SRRM4: variants seen among roughly 807,000 people sequenced by gnomAD.
The protein encoded by SRRM4 is serine/arginine repetitive matrix 4, also known as serine/arginine repetitive matrix protein 4.
In SRRM4, 33 loss-of-function variants were observed where a neutral mutation model predicts 68.9. The ratio of observed to expected loss-of-function variants is 0.48; its 90% confidence interval spans 0.36 to 0.64. The LOEUF is 0.64. SRRM4 is among the 30% of genes least tolerant of loss of function. The probability of loss-of-function intolerance (pLI) is 0.00; values close to 1 mark genes in which losing one functional copy is unlikely to be tolerated. For missense variants in SRRM4, 817 were observed against 827.1 expected, an observed-to-expected ratio of 0.99 and a Z score of 0.15; for synonymous variants, 318 against 318.8, an observed-to-expected ratio of 1.00 and a Z score of 0.03.
chr12:119,005,254 C>T (rs1953409274), intron 1 of SRRM4, among the ~76,000 whole-genome samples: 1 of 152,186 alleles, frequency 6.6e-6, no homozygotes, highest in Non-Finnish European at 1.5e-5. Context: ...GGAAGGGGCC[C>T]CATTTTATAG....
rs1404021834 is a variant in SRRM4 at position 119,159,888 on chromosome 12, A to C, written c.*3090A>C. The C allele has an allele frequency of 6.6e-6, 1 of 152,028 alleles. No individual in the cohort carries two copies. The highest frequency in any genetic ancestry group is 1.5e-5 in the Non-Finnish European group (1 of 67,994). The allele number at this position is 152,028 out of a possible 1,614,324, so 9.4% of individuals were successfully genotyped here. A position where few individuals can be genotyped will look rare whatever the true frequency, so the allele number is the denominator to read the frequency against. On this transcript the variant is annotated 3_prime_UTR_variant, in exon 13 of 13. Transcript: ENST00000267260. The stretch of plus-strand genomic sequence containing the variant: ...AAGCTATTTCTGAAATTAGGAAAAA[A>C]AAAAAAAAGGTGGAAGGAGCAGCCA...
chr12:119,073,091 A>AG (rs891847442), intron 1 of SRRM4, among the ~76,000 whole-genome samples: 1 of 15,932 alleles, frequency 6.3e-5, no homozygotes, highest in African/African-American at 3.0e-4. Context: ...ACACATGAAA[A>AG]GGAAAAAAAA....
chr12:119,028,789 T>A (rs1276046889), intron 1 of SRRM4, among the ~76,000 whole-genome samples: 1 of 152,182 alleles, frequency 6.6e-6, no homozygotes, highest in African/African-American at 2.4e-5. Flanking sequence ...GGGCTGCACA[T>A]GCAGGAGAGA....
rs557791933 is a variant in SRRM4 at position 119,096,084 on chromosome 12, G to A, written c.132-6152G>A. 1.7e-4 allele frequency among the ~76,000 whole-genome samples: 25 copies of A among 151,098 alleles called. No homozygotes were observed. In the South Asian group the frequency reaches 4.5e-3, roughly 27 times the overall value. The stretch of plus-strand genomic sequence containing the variant: ...GGCGCAGGCTGGAGTGCAGTGGCGC[G>A]ATCTCAGCTCACTGCAAGCTCTGCC... On this transcript the variant is annotated intron_variant, in intron 1 of 12. Coordinates refer to ENST00000267260, the MANE Select transcript of SRRM4 (RefSeq NM_194286.4).
chr12:118,990,078 A>G (rs939337107), intron 1 of SRRM4: 44 of 152,140 alleles, frequency 2.9e-4, no homozygotes, highest in African/African-American at 9.7e-4. Flanking sequence ...CCAGTTCTGT[A>G]CTTATAATAA....
chr12:119,025,365 G>A (rs1450295901), intron 1 of SRRM4, among the ~76,000 whole-genome samples: 1 of 152,082 alleles, frequency 6.6e-6, no homozygotes, highest in African/African-American at 2.4e-5. Flanking sequence ...TCCAGATCAT[G>A]GAGGTTTGTT....
rs1954508291 is a variant in SRRM4, at chr12:119,160,757, G to T, written c.*3959G>T. The T allele has an allele frequency of 6.6e-6, 1 of 152,224 alleles. No individual in the cohort carries two copies. The highest frequency in any genetic ancestry group is 1.5e-5 in the Non-Finnish European group (1 of 68,044). The allele number at this position is 152,224 out of a possible 1,614,324, so 9.4% of individuals were successfully genotyped here. A position where few individuals can be genotyped will look rare whatever the true frequency, so the allele number is the denominator to read the frequency against. ...CACCAAAGACAGAGGGAGCTTCACT[G>T]AGACTCAGAGGGAAAAGGAAAAGAG... is the stretch of plus-strand genomic sequence containing the variant. On this transcript the variant is annotated 3_prime_UTR_variant, in exon 13 of 13. Coordinates refer to ENST00000267260, the MANE Select transcript of SRRM4 (RefSeq NM_194286.4).
At chr12:119,067,643 G>A (rs988571400) in intron 1 of SRRM4, among the ~76,000 whole-genome samples, 9 of 152,200 alleles carry the variant, frequency 5.9e-5, no homozygotes, top group Non-Finnish European at 1.2e-4. Context: ...GGGAGGTGGA[G>A]GTTGCGGTGA....
At chr12:119,069,691 A>AG (rs1287815675) in intron 1 of SRRM4, 1 of 152,206 alleles carries the variant, frequency 6.6e-6, no homozygotes, top group Non-Finnish European at 1.5e-5. Flanking sequence ...TGAAAGTAAG[A>AG]GAAAAGAATG....
At chr12:119,077,063 G>C (rs2136029422) in intron 1 of SRRM4, among the ~76,000 whole-genome samples, 1 of 142,520 alleles carries the variant, frequency 7.0e-6, no homozygotes, top group Admixed American at 7.3e-5. Flanking sequence ...GTTCTCCTGA[G>C]ACCGAGGGAG....
chr12:119,155,267 A>G (rs1212624433), intron 12 of SRRM4, among the ~76,000 whole-genome samples: 1 of 152,216 alleles, frequency 6.6e-6, no homozygotes, highest in East Asian at 1.9e-4. Flanking sequence ...TGGGAGAATG[A>G]TTGAATGCTG....
intron 7 of SRRM4, among the ~76,000 whole-genome samples, chr12:119,127,420 G>T (rs1954268740): frequency 6.6e-6 from 1 of 152,046 alleles, no homozygotes; most frequent in Non-Finnish European, 1.5e-5. Context: ...AAATAAAGCA[G>T]AATATCTATA....
chr12:118,997,980 G>A (rs1021383903), intron 1 of SRRM4, among the ~76,000 whole-genome samples: 1 of 152,130 alleles, frequency 6.6e-6, no homozygotes, highest in Non-Finnish European at 1.5e-5. Context: ...CACTAACTGT[G>A]TGGAAAAAAT....
At chr12:119,150,944 T>A (rs572639461) in intron 9 of SRRM4, 73 bp from the exon 10 acceptor site, 4 of 1,415,546 alleles carry the variant, frequency 2.8e-6, no homozygotes, top group Non-Finnish European at 3.9e-6. Context: ...TAGGCCAAGG[T>A]AGGGAGGTAT....
intron 2 of SRRM4, among the ~76,000 whole-genome samples, chr12:119,108,898 T>C (rs548612597): frequency 6.6e-6 from 1 of 152,248 alleles, no homozygotes; most frequent in South Asian, 2.1e-4. Context: ...CTTTAGTTGA[T>C]GCAATTTCTT....
chr12:119,052,614 C>T (rs888687047), intron 1 of SRRM4, among the ~76,000 whole-genome samples: 4 of 152,124 alleles, frequency 2.6e-5, no homozygotes, highest in Non-Finnish European at 4.4e-5. Context: ...CCGCAAGCTC[C>T]GCCTCCCGGG....
chr12:119,136,052 A>G (rs1013529404), intron 8 of SRRM4, among the ~76,000 whole-genome samples: 1 of 152,178 alleles, frequency 6.6e-6, no homozygotes, highest in African/African-American at 2.4e-5. Flanking sequence ...AATGCTTGGG[A>G]CATAACCCTC....
intron 8 of SRRM4, among the ~76,000 whole-genome samples, chr12:119,143,955 C>G (rs1010690733): frequency 6.6e-6 from 1 of 152,124 alleles, no homozygotes; most frequent in African/African-American, 2.4e-5. Flanking sequence ...CATGGTACTG[C>G]TGGCAGAGGC....
At chr12:119,037,549 C>T (rs1285011365) in intron 1 of SRRM4, among the ~76,000 whole-genome samples, 1 of 152,138 alleles carries the variant, frequency 6.6e-6, no homozygotes, top group African/African-American at 2.4e-5. Flanking sequence ...GATTTCATTG[C>T]CAAGGGCCAG....
Sources: gnomAD v4.1 joint callset for allele counts (sites outside exome capture counted in the v4.1 genomes callset) on GRCh38, gnomAD v4.1.1 for gene constraint, MANE v1.5 for transcripts, NCBI Gene and HGNC (gene_info 2026-07-23, HGNC 2026-07-21) for gene names.